The following SOX5 variants were observed in gnomAD, a reference collection of about 807,000 sequenced individuals.
SOX5 encodes SRY-box transcription factor 5.
In SOX5, 9 loss-of-function variants were observed where a neutral mutation model predicts 92.0. That is an observed-to-expected ratio of 0.10 (90% CI 0.06 to 0.17). The LOEUF (loss-of-function observed/expected upper bound fraction) is 0.17. Among genes scored for constraint, SOX5 ranks in the 10% least tolerant of loss-of-function variants. The pLI, the probability that SOX5 is intolerant of heterozygous loss-of-function variation, is 1.00. For synonymous variants in SOX5, 344 were observed against 336.3 expected (o/e 1.02, Z -0.25); for missense variants, 642 against 944.5 (o/e 0.68, Z 4.20).
chr12:24,284,000 T>G (rs1595151997), intron 2 of SOX5, among the ~76,000 whole-genome samples: 1 of 152,198 alleles, frequency 6.6e-6, no homozygotes, highest in Non-Finnish European at 1.5e-5. Flanking sequence ...ACAGGAAGTA[T>G]GTAAAAAGTG....
At chr12:24,527,643 T>A (rs1289444336) in intron 1 of SOX5, among the ~76,000 whole-genome samples, 1 of 152,222 alleles carries the variant, frequency 6.6e-6, no homozygotes, top group African/African-American at 2.4e-5. Context: ...AAAGTATTGC[T>A]TCACATAATC....
chr12:23,669,277 C>T (rs1402907515), intron 6 of SOX5, among the ~76,000 whole-genome samples: 1 of 152,008 alleles, frequency 6.6e-6, no homozygotes, highest in Non-Finnish European at 1.5e-5. Context: ...ACTAAAGGCC[C>T]TGTGAAAGCA....
At chr12:24,376,711 T>C (rs1957313092) in intron 1 of SOX5, among the ~76,000 whole-genome samples, 1 of 38,382 alleles carries the variant, frequency 2.6e-5, no homozygotes. Flanking sequence ...TTTTTTTTTT[T>C]TTTTTTTTTT....
intron 4 of SOX5, among the ~76,000 whole-genome samples, chr12:24,192,466 C>T (rs1956621116): frequency 6.6e-6 from 1 of 152,128 alleles, no homozygotes; most frequent in Non-Finnish European, 1.5e-5. Context: ...TCATCAAATG[C>T]AGTTCTTGTA....
rs556749427 is a variant in SOX5 at position 24,102,422 on chromosome 12, G to A, written c.-2+110921C>T. ...AGCAGCATGAGTAGAATAAGTATAG[G>A]AAATGACCCATGGCTTTAACATATT... On this transcript the variant is annotated intron_variant, in intron 4 of 4. Coordinates refer to the SOX5 transcript ENST00000446891. Among the ~76,000 whole-genome samples the A allele has an allele frequency of 2.0e-5, 3 of 152,270 alleles. No homozygotes were observed. The South Asian group carries it at 6.2e-4, about 32-fold the overall frequency.
At chr12:24,158,392 G>A (rs765036373) in intron 4 of SOX5, among the ~76,000 whole-genome samples, 1 of 151,872 alleles carries the variant, frequency 6.6e-6, no homozygotes, top group African/African-American at 2.4e-5. Flanking sequence ...TTGCTGCTCA[G>A]GAGGTCACAG....
intron 10 of SOX5, among the ~76,000 whole-genome samples, chr12:23,564,287 T>A (rs368504715): frequency 2.6e-5 from 4 of 152,234 alleles, no homozygotes; most frequent in Admixed American, 6.5e-5. Context: ...ATGATCTGCA[T>A]GACATTAGAC....
chr12:24,466,293 T>C (rs1033811219), intron 1 of SOX5, among the ~76,000 whole-genome samples: 1 of 152,102 alleles, frequency 6.6e-6, no homozygotes, highest in African/African-American at 2.4e-5. Flanking sequence ...CCCAGGCTGC[T>C]GGAGTGCAGT....
chr12:23,920,637 T>TG (rs1937922844), intron 1 of SOX5: 1 of 152,190 alleles, frequency 6.6e-6, no homozygotes. Flanking sequence ...AAGAATACCA[T>TG]TGCTTTTATC....
chr12:23,596,336 T>C (rs776356940), intron 9 of SOX5, among the ~76,000 whole-genome samples: 2 of 152,232 alleles, frequency 1.3e-5, no homozygotes, highest in Non-Finnish European at 2.9e-5. Context: ...TTTGCATATA[T>C]ACTATTTTCC....
intron 1 of SOX5, among the ~76,000 whole-genome samples, chr12:24,499,810 C>A (rs1448329217): frequency 3.4e-5 from 5 of 148,106 alleles, no homozygotes; most frequent in Non-Finnish European, 5.9e-5. Flanking sequence ...AAGAGAAGAA[C>A]TATGAACTTA....
intron 1 of SOX5, among the ~76,000 whole-genome samples, chr12:24,425,819 C>T (rs1350717644): frequency 1.3e-5 from 2 of 152,174 alleles, no homozygotes; most frequent in Admixed American, 1.3e-4. Flanking sequence ...ACTCACAGGG[C>T]ACACTGTGAG....
At chr12:24,103,587 C>T (rs1358435887) in intron 4 of SOX5, among the ~76,000 whole-genome samples, 1 of 152,128 alleles carries the variant, frequency 6.6e-6, no homozygotes, top group Non-Finnish European at 1.5e-5. Context: ...AACTCTTGGC[C>T]TCAAGTGATC....
chr12:24,077,353 T>C (rs1256184581), intron 4 of SOX5, among the ~76,000 whole-genome samples: 1 of 152,140 alleles, frequency 6.6e-6, no homozygotes, highest in Non-Finnish European at 1.5e-5. Flanking sequence ...CTTTGGAGAC[T>C]GGCGCACAAT....
intron 1 of SOX5, among the ~76,000 whole-genome samples, chr12:24,484,470 C>A (rs1946317895): frequency 6.6e-6 from 1 of 152,162 alleles, no homozygotes; most frequent in African/African-American, 2.4e-5. Context: ...GCATTTGTTG[C>A]TTCTTTCTTC....
chr12:24,162,256 A>C (rs1275450250), intron 4 of SOX5, among the ~76,000 whole-genome samples: 1 of 152,134 alleles, frequency 6.6e-6, no homozygotes, highest in Non-Finnish European at 1.5e-5. Flanking sequence ...GTACTCTAAA[A>C]TCTCTAGCTA....
At chr12:24,030,790 A>G (rs1347422763) in intron 4 of SOX5, among the ~76,000 whole-genome samples, 2 of 152,006 alleles carry the variant, frequency 1.3e-5, no homozygotes, top group Admixed American at 6.6e-5. Context: ...TGCAAATCCT[A>G]TATCTGATAA....
chr12:24,271,267 T>G (rs943048699), intron 3 of SOX5, among the ~76,000 whole-genome samples: 1 of 152,214 alleles, frequency 6.6e-6, no homozygotes, highest in Non-Finnish European at 1.5e-5. Flanking sequence ...TGGCTACTAC[T>G]GAGACTAAGG....
intron 4 of SOX5, among the ~76,000 whole-genome samples, chr12:24,004,278 AT>A (rs1202725621): frequency 2.2e-5 from 3 of 139,308 alleles, no homozygotes; most frequent in African/African-American, 7.9e-5. Context: ...GATAAACTGA[AT>A]TATATCAAAA....
Sources: gnomAD v4.1 joint callset for allele counts (sites outside exome capture counted in the v4.1 genomes callset) on GRCh38, gnomAD v4.1.1 for gene constraint, MANE v1.5 for transcripts, NCBI Gene and HGNC (gene_info 2026-07-23, HGNC 2026-07-21) for gene names.